MINDY2: variants seen among roughly 807,000 people sequenced by gnomAD.
MINDY2 encodes the protein ubiquitin carboxyl-terminal hydrolase MINDY-2.
Under a neutral mutation model 68.2 loss-of-function variants are expected in MINDY2, and 52 were observed. The observed-to-expected ratio is 0.76, with a 90% CI of 0.61 to 0.96. The LOEUF (loss-of-function observed/expected upper bound fraction) is 0.96. Ranked by LOEUF, MINDY2 falls within the 40% of genes least tolerant of loss-of-function variation. The probability of loss-of-function intolerance (pLI) is 0.00; values close to 1 mark genes in which losing one functional copy is unlikely to be tolerated. For synonymous variants in MINDY2, 372 were observed against 303.0 expected (o/e 1.23, Z -2.36); for missense variants, 881 against 773.4 (o/e 1.14, Z -1.65).
chr15:58,846,841 G>C (rs2032562611), intron 6 of MINDY2, among the ~76,000 whole-genome samples: 1 of 151,304 alleles, frequency 6.6e-6, no homozygotes, highest in Non-Finnish European at 1.5e-5. Context: ...AGTATTATTG[G>C]TGTATAAAAG....
At position 58,844,919 on chromosome 15, in the gene MINDY2, T is replaced by TA. The variant is rs35379834; in HGVS notation, c.1369-2354dup. ...GACAGAGTGAGACTGAGACCCTGCC[T>TA]AAAAAAAAAAAAAAAAAAAAAAAAT... On this transcript the variant is annotated intron_variant, in intron 6 of 8. Transcript: ENST00000559228. Among the ~76,000 whole-genome samples, 271 of 67,788 alleles carry TA rather than the reference T, an allele frequency of 4.0e-3. 1 individual carries two copies. Among genetic ancestry groups the TA allele is most frequent in the Middle Eastern group, 0.012 (1 of 86 alleles). The allele number at this position is 67,788 out of a possible 152,430, so 44.5% of individuals were successfully genotyped here. A position where few individuals can be genotyped will look rare whatever the true frequency, so the allele number is the denominator to read the frequency against.
chr15:58,799,215 T>C (rs1902475084), intron 2 of MINDY2, among the ~76,000 whole-genome samples: 1 of 152,196 alleles, frequency 6.6e-6, no homozygotes, highest in Non-Finnish European at 1.5e-5. Context: ...CTAAGCTATT[T>C]AGATGTTCTG....
intron 6 of MINDY2, 127 bp downstream of exon 6, chr15:58,832,043 G>GT: frequency 1.2e-6 from 1 of 808,756 alleles, no homozygotes; most frequent in Non-Finnish European, 1.8e-6. Context: ...AATTATGAAG[G>GT]TAATTATTAA....
chr15:58,852,073 G>A (rs375527908), intron 8 of MINDY2, 108 bp downstream of exon 8: 219 of 815,282 alleles, frequency 2.7e-4, no homozygotes, highest in Non-Finnish European at 8.2e-5. Context: ...GATTGCTTGA[G>A]CCCAGGAGTT....
chr15:58,838,337 G>A (rs903067371), intron 6 of MINDY2, among the ~76,000 whole-genome samples: 4 of 150,786 alleles, frequency 2.7e-5, no homozygotes, highest in Non-Finnish European at 5.9e-5. Context: ...GGCGGAGGTT[G>A]TAGTGAGCCA....
intron 6 of MINDY2, among the ~76,000 whole-genome samples, chr15:58,841,702 G>A (rs1157578633): frequency 1.3e-5 from 2 of 152,204 alleles, no homozygotes; most frequent in East Asian, 3.8e-4. Flanking sequence ...ACCGCGCCCG[G>A]CTGATCTGTG....
chr15:58,782,586 T>C (rs1901217001), intron 1 of MINDY2, among the ~76,000 whole-genome samples: 1 of 152,192 alleles, frequency 6.6e-6, no homozygotes. Context: ...CTCATCGTGC[T>C]TCACTTTTCA....
At chr15:58,821,876 TATAAC>T in intron 5 of MINDY2, 57 bp downstream of exon 5, 1 of 1,097,564 alleles carries the variant, frequency 9.1e-7, no homozygotes, top group Non-Finnish European at 1.3e-6. Context: ...TAATTTTTCT[TATAAC>T]TTAATATCTT....
chr15:58,844,684 G>A (rs1345943096), intron 6 of MINDY2, among the ~76,000 whole-genome samples: 1 of 151,462 alleles, frequency 6.6e-6, no homozygotes, highest in Non-Finnish European at 1.5e-5. Context: ...TTGGGAAGCT[G>A]AGGCGGTGGA....
At chr15:58,800,846 A>C (rs2140951083) in intron 2 of MINDY2, among the ~76,000 whole-genome samples, 1 of 152,050 alleles carries the variant, frequency 6.6e-6, no homozygotes, top group African/African-American at 2.4e-5. Context: ...AAAAAAAAAA[A>C]AAAAAAAGTC....
rs142692789 is a variant in MINDY2 at position 58,791,923 on chromosome 15, A to G, written c.898+3960A>G. On this transcript the variant is annotated intron_variant, in intron 2 of 8. Coordinates refer to ENST00000559228, the MANE Select transcript of MINDY2 (RefSeq NM_001040450.3). ...GATTAGAAGGTGGGGAAGGAGAAAG[A>G]GCCGGCACGGTCAGCCAGGTAGAAG... 3.1e-3 allele frequency among the ~76,000 whole-genome samples: 473 copies of G among 152,210 alleles called. 2 individuals carry two copies. The highest frequency in any genetic ancestry group is 9.4e-3 in the Admixed American group (144 of 15,256).
chr15:58,781,827 A>G (rs539035846), intron 1 of MINDY2, among the ~76,000 whole-genome samples: 2 of 152,198 alleles, frequency 1.3e-5, no homozygotes, highest in Admixed American at 6.5e-5. Flanking sequence ...GCTTGAACCC[A>G]GGAGACGGAG....
intron 4 of MINDY2, among the ~76,000 whole-genome samples, chr15:58,812,999 T>G (rs533949923): frequency 6.6e-6 from 1 of 152,224 alleles, no homozygotes; most frequent in Non-Finnish European, 1.5e-5. Flanking sequence ...TGACAACCAC[T>G]AATCTTTCTC....
In MINDY2 at chr15:58,831,039, G is replaced by GTA. The variant is rs1247362730; in HGVS notation, c.1226-734_1226-733insAT. Among the ~76,000 whole-genome samples, 784 of 109,566 alleles carry GTA rather than the reference G, an allele frequency of 7.2e-3. 7 individuals carry two copies. Among genetic ancestry groups the GTA allele is most frequent in the East Asian group, 0.035 (105 of 3,002 alleles). The allele number at this position is 109,566 out of a possible 152,430, so 71.9% of individuals were successfully genotyped here. A position where few individuals can be genotyped will look rare whatever the true frequency, so the allele number is the denominator to read the frequency against. ...GTTGTGTGTGTGTGTGTGTGTGTGT[G>GTA]TGTATATATATATATATATATGTTT... is the stretch of plus-strand genomic sequence containing the variant. On this transcript the variant is annotated intron_variant, in intron 5 of 8. Transcript: ENST00000559228.
chr15:58,795,854 T>C (rs1902249275), intron 2 of MINDY2, among the ~76,000 whole-genome samples: 2 of 151,970 alleles, frequency 1.3e-5, no homozygotes, highest in Admixed American at 6.6e-5. Flanking sequence ...TCTGCTAAAA[T>C]GCATGAAGTA....
intron 2 of MINDY2, among the ~76,000 whole-genome samples, chr15:58,795,606 G>C (rs1295494711): frequency 6.6e-6 from 1 of 151,926 alleles, no homozygotes; most frequent in African/African-American, 2.4e-5. Flanking sequence ...GGGTTTCACC[G>C]TGTTAGCCAG....
intron 1 of MINDY2, among the ~76,000 whole-genome samples, chr15:58,786,961 C>A (rs556807740): frequency 6.6e-6 from 1 of 152,234 alleles, no homozygotes; most frequent in East Asian, 1.9e-4. Flanking sequence ...TCCCAAGTAG[C>A]TGGGATTATA....
chr15:58,781,826 C>G (rs918447568), intron 1 of MINDY2, among the ~76,000 whole-genome samples: 35 of 151,936 alleles, frequency 2.3e-4, no homozygotes, highest in Non-Finnish European at 8.8e-5. Context: ...TGCTTGAACC[C>G]AGGAGACGGA....
At chr15:58,808,597 TTTTTTG>T (rs1448882059) in intron 3 of MINDY2, among the ~76,000 whole-genome samples, 1 of 152,112 alleles carries the variant, frequency 6.6e-6, no homozygotes, top group Non-Finnish European at 1.5e-5. Flanking sequence ...AATATATGGT[TTTTTTG>T]TTTTTGTTTT....
Sources: gnomAD v4.1 joint callset for allele counts (sites outside exome capture counted in the v4.1 genomes callset) on GRCh38, gnomAD v4.1.1 for gene constraint, MANE v1.5 for transcripts, NCBI Gene and HGNC (gene_info 2026-07-23, HGNC 2026-07-21) for gene names.